Variants in COQ8A observed in about 807,000 individuals in gnomAD.
COQ8A encodes the protein coenzyme Q8A, also known as atypical kinase COQ8A, mitochondrial.
COQ8A carries 51 observed loss-of-function variants against 65.0 expected under a neutral mutation model. The ratio of observed to expected loss-of-function variants is 0.78; its 90% CI spans 0.63 to 0.99. COQ8A has a LOEUF of 0.99. COQ8A is among the 50% of genes least tolerant of loss of function. The pLI, the probability that COQ8A is intolerant of heterozygous loss-of-function variation, is 0.00. For missense variants in COQ8A, 940 were observed against 875.0 expected, an observed-to-expected ratio of 1.07 and a Z score of -0.94; for synonymous variants, 371 against 353.2, an observed-to-expected ratio of 1.05 and a Z score of -0.57.
intron 8 of COQ8A, chr1:226,983,318 G>A: frequency 1.5e-6 from 1 of 658,158 alleles, no homozygotes; most frequent in Non-Finnish European, 2.6e-6. Flanking sequence ...AGAGCTGGTG[G>A]GAGGGTGGCC....
chr1:226,981,465 G>A (rs551711698), intron 5 of COQ8A, among the ~76,000 whole-genome samples: 2 of 152,366 alleles, frequency 1.3e-5, no homozygotes, highest in East Asian at 1.9e-4. Context: ...GTGGGTGGAC[G>A]GGAGAGACGG....
chr1:226,984,930 C>A lies in COQ8A; in HGVS notation c.1561C>A (p.Leu521Ile), dbSNP rs745724703. The A allele has an allele frequency of 6.2e-7, 1 of 1,613,980 alleles. No individual in the cohort carries two copies. Residue 521 changes from leucine to isoleucine, a missense_variant, in exon 13 of 15, where the codon CTC becomes ATC. Physicochemically the swap from Leu to Ile is conservative, Grantham distance 5 (BLOSUM62 2). Coordinates refer to ENST00000366777, the MANE Select transcript of COQ8A (RefSeq NM_020247.5). ...TREYDRSFTD[L>I]YIQIIRAAAD... ...GGAATATGACAGATCCTTCACCGAC[C>A]TCTACATTCAGGTAACTGGAGAGGG...
At chr1:226,959,486 T>G (rs1180847421) in intron 1 of COQ8A, among the ~76,000 whole-genome samples, 2 of 149,240 alleles carry the variant, frequency 1.3e-5, no homozygotes, top group Non-Finnish European at 3.0e-5. Flanking sequence ...TAAGGGGAGG[T>G]GTGGGTGTGG....
chr1:226,984,923 CA>C lies in COQ8A; in HGVS notation c.1555del (p.Thr519ProfsTer24). ...CAACGCGGGAATATGACAGATCCTT[CA>C]CCGACCTCTACATTCAGGTAACTGG... ...GATREYDRSFTDLYIQIIRAA... is the reference protein window; with the variant it reads ...GATREYDRSFXDLYIQIIRAA... On this transcript the variant is annotated frameshift_variant, in exon 13 of 15. Coordinates refer to ENST00000366777, the MANE Select transcript of COQ8A (RefSeq NM_020247.5). LOFTEE classifies it high-confidence loss of function. 1 of 1,614,194 alleles carries C rather than the reference CA, an allele frequency of 6.2e-7. No individual in the cohort carries two copies. The highest frequency in any genetic ancestry group is 8.5e-7 in the Non-Finnish European group (1 of 1,180,036).
At position 226,962,737 on chromosome 1, in the gene COQ8A, G is replaced by A. The variant is rs562090440; in HGVS notation, c.177+1175G>A. On this transcript the variant is annotated intron_variant, in intron 2 of 14. Transcript: ENST00000366777. ...GGGAGGATCCCACAGTGATACAGTGGCTGTCACCAAGCATACCTGCCTTTA... is the reference window on the plus strand; with the variant it reads ...GGGAGGATCCCACAGTGATACAGTGACTGTCACCAAGCATACCTGCCTTTA... Among the ~76,000 whole-genome samples, 9 of 152,308 alleles carry A rather than the reference G, an allele frequency of 5.9e-5. No individual in the cohort carries two copies. In the South Asian group the frequency reaches 1.9e-3, roughly 32 times the overall value.
At chr1:226,980,178 C>T (rs1171506006) in intron 5 of COQ8A, among the ~76,000 whole-genome samples, 2 of 152,258 alleles carry the variant, frequency 1.3e-5, no homozygotes. Flanking sequence ...TGGCTGAGCT[C>T]TGCCCTGGAA....
intron 1 of COQ8A, among the ~76,000 whole-genome samples, chr1:226,958,832 A>G (rs888104725): frequency 6.6e-6 from 1 of 152,278 alleles, no homozygotes; most frequent in Admixed American, 6.5e-5. Flanking sequence ...TCAGTTACTC[A>G]CAGGCGAGAC....
chr1:226,947,889 A>G (rs1402692697), intron 1 of COQ8A, among the ~76,000 whole-genome samples: 1 of 152,170 alleles, frequency 6.6e-6, no homozygotes, highest in Non-Finnish European at 1.5e-5. Flanking sequence ...AAGAACAGGA[A>G]TGCACTGAGC....
chr1:226,963,906 A>T (rs1018531155), intron 2 of COQ8A, among the ~76,000 whole-genome samples: 2 of 152,194 alleles, frequency 1.3e-5, no homozygotes, highest in Non-Finnish European at 2.9e-5. Context: ...CACTGGCATA[A>T]ATACAACTTG....
chr1:226,948,401 C>G (rs1657177733), intron 1 of COQ8A, among the ~76,000 whole-genome samples: 1 of 152,208 alleles, frequency 6.6e-6, no homozygotes, highest in Non-Finnish European at 1.5e-5. Flanking sequence ...TCCCCCATCT[C>G]AGGATCCCTG....
chr1:226,961,641 G>A (rs1003136886), intron 2 of COQ8A, 79 bp downstream of exon 2: 25 of 1,493,920 alleles, frequency 1.7e-5, no homozygotes, highest in African/African-American at 1.1e-4. Context: ...CAAGGGCTGT[G>A]ACCATGGCAA....
chr1:226,982,474 C>T (rs1659759232), intron 6 of COQ8A: 1 of 680,364 alleles, frequency 1.5e-6, no homozygotes, highest in Non-Finnish European at 2.6e-6. Context: ...AGCCCACCTT[C>T]TCAGGTCACT....
chr1:226,941,651 T>C (rs1212696199), intron 1 of COQ8A, among the ~76,000 whole-genome samples: 1 of 151,102 alleles, frequency 6.6e-6, no homozygotes, highest in East Asian at 1.9e-4. Context: ...GGCGGGCGCC[T>C]ATAATCCCAG....
rs201300405 is a variant in COQ8A at position 226,984,034 on chromosome 1, TG to T, written c.1257-50del. ...CCTCTGCCTGGTTGGGGGGTGTGTG[TG>T]GGGGGGGGGACGGTGTGGAGGGCCT... On this transcript the variant is annotated intron_variant, in intron 10 of 14. Coordinates refer to ENST00000366777, the MANE Select transcript of COQ8A (RefSeq NM_020247.5). 4,627 of 1,251,248 alleles carry T rather than the reference TG, an allele frequency of 3.7e-3. 4 individuals carry two copies. The highest frequency in any genetic ancestry group is 0.01 in the East Asian group (316 of 30,228). The allele number at this position is 1,251,248 out of a possible 1,614,324, so 77.5% of individuals were successfully genotyped here.
intron 1 of COQ8A, among the ~76,000 whole-genome samples, chr1:226,954,159 G>A (rs1285660951): frequency 6.6e-6 from 1 of 152,244 alleles, no homozygotes; most frequent in Non-Finnish European, 1.5e-5. Context: ...AGTCTTGAGA[G>A]CCTTTGGAGG....
In COQ8A at chr1:226,951,606, C is replaced by T. The variant is rs116162132; in HGVS notation, c.-9-9771C>T. Among the ~76,000 whole-genome samples the T allele has an allele frequency of 6.1e-3, 922 of 152,208 alleles. 8 individuals are homozygous for T. The highest frequency in any genetic ancestry group is 0.02 in the African/African-American group (847 of 41,530). On this transcript the variant is annotated intron_variant, in intron 1 of 14. Coordinates refer to ENST00000366777, the MANE Select transcript of COQ8A (RefSeq NM_020247.5). ...TAATGGGGGGGTCCTTGCCCCAACACGAGCCTTATTGGGGTGTTCTCATTC... is the reference window on the plus strand; with the variant it reads ...TAATGGGGGGGTCCTTGCCCCAACATGAGCCTTATTGGGGTGTTCTCATTC...
chr1:226,985,518 A>T (rs1420314258), intron 14 of COQ8A, among the ~76,000 whole-genome samples, 178 bp downstream of exon 14: 1 of 152,100 alleles, frequency 6.6e-6, no homozygotes, highest in Non-Finnish European at 1.5e-5. Context: ...GCTGAGCGTG[A>T]GATTTTCCGA....
intron 8 of COQ8A, 65 bp downstream of exon 8, chr1:226,983,099 C>A: frequency 6.5e-7 from 1 of 1,532,270 alleles, no homozygotes. Flanking sequence ...TGGGGCCTGG[C>A]TCATGGAGGC....
intron 1 of COQ8A, among the ~76,000 whole-genome samples, chr1:226,957,281 G>GGCCC (rs1296588868): frequency 6.8e-5 from 2 of 29,222 alleles, no homozygotes; most frequent in Non-Finnish European, 1.4e-4. Flanking sequence ...CACTCTCCCT[G>GGCCC]CCCCCCCCCC....
Sources: allele counts gnomAD v4.1 joint callset (sites outside exome capture counted in the v4.1 genomes callset), GRCh38; gene constraint gnomAD v4.1.1; transcripts MANE v1.5; gene names NCBI Gene and HGNC (gene_info 2026-07-23, HGNC 2026-07-21).